The following TMEM232 variants were observed in gnomAD, a reference collection of about 807,000 sequenced individuals.
The protein encoded by TMEM232 is transmembrane protein 232.
A neutral mutation model predicts 78.8 loss-of-function variants in TMEM232; 80 were observed. The observed-to-expected ratio is 1.01, with a 90% CI of 0.85 to 1.22. The LOEUF (loss-of-function observed/expected upper bound fraction) is 1.22. Among genes scored for constraint, TMEM232 ranks in the 50% most tolerant of loss-of-function variants. The probability of loss-of-function intolerance (pLI) is 0.00; values close to 1 mark genes in which losing one functional copy is unlikely to be tolerated. For synonymous variants in TMEM232, 297 were observed against 254.3 expected (o/e 1.17, Z -1.60); for missense variants, 881 against 742.2 (o/e 1.19, Z -2.17).
chr5:110,697,964 G>C (rs1451684253), intron 1 of TMEM232, among the ~76,000 whole-genome samples: 2 of 152,256 alleles, frequency 1.3e-5, no homozygotes, highest in Non-Finnish European at 1.5e-5. Context: ...TATAAATCAT[G>C]CTGCTATAAA....
intron 7 of TMEM232, among the ~76,000 whole-genome samples, chr5:110,620,700 G>A (rs1409325487): frequency 3.7e-5 from 5 of 135,882 alleles, no homozygotes; most frequent in Middle Eastern, 4.4e-3. Flanking sequence ...TCGGCAACAA[G>A]TAATAAACCC....
chr5:110,451,808 A>T (rs2149336740), intron 12 of TMEM232, among the ~76,000 whole-genome samples: 1 of 152,176 alleles, frequency 6.6e-6, no homozygotes, highest in East Asian at 1.9e-4. Context: ...AACATCACTT[A>T]TTATACATTT....
chr5:110,588,391 T>C (rs577033189), intron 10 of TMEM232, among the ~76,000 whole-genome samples: 33 of 152,278 alleles, frequency 2.2e-4, no homozygotes, highest in Admixed American at 2.1e-3. Flanking sequence ...TAAATTATTG[T>C]AAATCCAGGC....
chr5:110,519,459 A>C (rs1446354594), intron 12 of TMEM232, among the ~76,000 whole-genome samples: 1 of 152,200 alleles, frequency 6.6e-6, no homozygotes, highest in Non-Finnish European at 1.5e-5. Flanking sequence ...TCTATTCAAA[A>C]GACAGGTAAT....
chr5:110,623,833 C>A (rs1784083858), intron 7 of TMEM232, among the ~76,000 whole-genome samples: 1 of 152,126 alleles, frequency 6.6e-6, no homozygotes, highest in African/African-American at 2.4e-5. Flanking sequence ...ATAGATAAAG[C>A]TGAAATAGAA....
chr5:110,672,516 C>T (rs903879475), intron 1 of TMEM232, among the ~76,000 whole-genome samples: 3 of 152,016 alleles, frequency 2.0e-5, no homozygotes, highest in African/African-American at 7.3e-5. Flanking sequence ...CTTAGGACTG[C>T]TTTTGACTAA....
intron 13 of TMEM232, among the ~76,000 whole-genome samples, chr5:110,423,864 G>A (rs1756953384): frequency 6.6e-6 from 1 of 151,540 alleles, no homozygotes; most frequent in Admixed American, 6.6e-5. Context: ...ATCTCTTCTA[G>A]ATAATTTAGT....
intron 7 of TMEM232, among the ~76,000 whole-genome samples, chr5:110,619,031 T>C (rs765397631): frequency 1.1e-4 from 17 of 152,224 alleles, no homozygotes; most frequent in Non-Finnish European, 2.4e-4. Flanking sequence ...TAACTGTTCT[T>C]AAAGCCTAAA....
At chr5:110,405,536 G>T (rs2112574605) in intron 2 of TMEM232, among the ~76,000 whole-genome samples, 1 of 151,538 alleles carries the variant, frequency 6.6e-6, no homozygotes, top group African/African-American at 2.4e-5. Flanking sequence ...AGGAAAAAAT[G>T]GATAAAGAGA....
intron 13 of TMEM232, among the ~76,000 whole-genome samples, chr5:110,423,114 C>T (rs553392825): frequency 2.0e-5 from 3 of 152,256 alleles, no homozygotes; most frequent in African/African-American, 7.2e-5. Context: ...ATATCTGTAG[C>T]TGAGGGGATG....
chr5:110,687,763 T>A (rs112263533), intron 1 of TMEM232, among the ~76,000 whole-genome samples: 1 of 152,096 alleles, frequency 6.6e-6, no homozygotes, highest in African/African-American at 2.4e-5. Flanking sequence ...TATTCACATA[T>A]ACATACGTAC....
chr5:110,438,252 C>A (rs1758648692), intron 12 of TMEM232, among the ~76,000 whole-genome samples: 1 of 151,770 alleles, frequency 6.6e-6, no homozygotes, highest in African/African-American at 2.4e-5. Context: ...CCTATACCAA[C>A]TGGGTTTGAC....
At chr5:110,446,618 T>C (rs1046706934) in intron 12 of TMEM232, among the ~76,000 whole-genome samples, 3 of 152,300 alleles carry the variant, frequency 2.0e-5, no homozygotes, top group Non-Finnish European at 4.4e-5. Context: ...TGTAAGACTT[T>C]AGGCTTCAGT....
intron 12 of TMEM232, among the ~76,000 whole-genome samples, chr5:110,460,158 T>G (rs1761342969): frequency 6.6e-6 from 1 of 152,188 alleles, no homozygotes; most frequent in Non-Finnish European, 1.5e-5. Flanking sequence ...ATATCAATTT[T>G]AATTTCCTGA....
chr5:110,654,411 T>C (rs984679898), intron 2 of TMEM232, among the ~76,000 whole-genome samples: 6 of 152,220 alleles, frequency 3.9e-5, no homozygotes, highest in Non-Finnish European at 2.9e-5. Context: ...TAGGGAATCC[T>C]TTCCCCATTG....
chr5:110,412,464 G>A (rs995645189), intron 2 of TMEM232, among the ~76,000 whole-genome samples: 3 of 151,770 alleles, frequency 2.0e-5, no homozygotes, highest in South Asian at 4.2e-4. Flanking sequence ...CACCTTTCTC[G>A]CTTGGGTTGA....
rs1440911926 is a variant in TMEM232, at chr5:110,568,455, T to C, written c.1447A>G (p.Ile483Val). 2.6e-5 allele frequency: 40 copies of C among 1,546,110 alleles called. No individual in the cohort carries two copies. Among genetic ancestry groups the C allele is most frequent in the Non-Finnish European group, 3.4e-5 (39 of 1,144,616 alleles). The change falls in exon 11 of 14, where the codon ATA (isoleucine) becomes GTA (valine). Residue 483 changes from isoleucine to valine, a missense_variant. Ile to Val is a conservative substitution (Grantham distance 29). Coordinates refer to ENST00000455884, the MANE Select transcript of TMEM232 (RefSeq NM_001039763.4). ...CCAGTGTTTTACCTTACCTGAGCTA[T>C]ATTGATTGCATTTTGGATTCGTACA... ...EDVRIQNAIN[I>V]AQAELNDPTD...
At chr5:110,538,877 T>A (rs889871650) in intron 11 of TMEM232, among the ~76,000 whole-genome samples, 2 of 151,998 alleles carry the variant, frequency 1.3e-5, no homozygotes, top group Non-Finnish European at 2.9e-5. Flanking sequence ...AAAGCTTTCC[T>A]CCCAGTTCAT....
At chr5:110,555,751 T>C (rs532977297) in intron 11 of TMEM232, among the ~76,000 whole-genome samples, 2 of 152,194 alleles carry the variant, frequency 1.3e-5, no homozygotes, top group Non-Finnish European at 2.9e-5. Context: ...AATTACATAA[T>C]GCCCTTCTTT....
Sources: allele counts gnomAD v4.1 joint callset (sites outside exome capture counted in the v4.1 genomes callset), GRCh38; gene constraint gnomAD v4.1.1; transcripts MANE v1.5; gene names NCBI Gene and HGNC (gene_info 2026-07-23, HGNC 2026-07-21).